Variants in PARD3B observed in about 807,000 individuals in gnomAD.
The protein encoded by PARD3B is par-3 family cell polarity regulator beta, also known as partitioning defective 3 homolog B.
In PARD3B, 103 loss-of-function variants were observed where a neutral mutation model predicts 130.2. The ratio of observed to expected loss-of-function variants is 0.79; its 90% confidence interval spans 0.67 to 0.93. The LOEUF is 0.93. PARD3B is among the 40% of genes least tolerant of loss of function. The probability of loss-of-function intolerance (pLI) is 0.00; values close to 1 mark genes in which losing one functional copy is unlikely to be tolerated. For synonymous variants in PARD3B, 583 were observed against 553.2 expected (o/e 1.05, Z -0.76); for missense variants, 1,609 against 1,499.2 (o/e 1.07, Z -1.21).
At chr2:204,647,099 C>G (rs1484945367) in intron 1 of PARD3B, among the ~76,000 whole-genome samples, 1 of 151,894 alleles carries the variant, frequency 6.6e-6, no homozygotes, top group Non-Finnish European at 1.5e-5. Context: ...TAAGTTAAAC[C>G]ACTGTAAGTT....
intron 21 of PARD3B, among the ~76,000 whole-genome samples, chr2:205,543,438 T>C (rs2052252897): frequency 6.6e-6 from 1 of 152,096 alleles, no homozygotes; most frequent in East Asian, 1.9e-4. Context: ...TTGCAGACAG[T>C]CACAGACTAT....
rs897504089 is a variant in PARD3B at position 205,321,572 on chromosome 2, A to C, written c.2630+19871A>C. On this transcript the variant is annotated intron_variant, in intron 18 of 22. Transcript: ENST00000406610. This position sits in a 1 kb window ranked among gnomAD's most constrained non-coding sequence, Gnocchi z 4.2. Reference sequence around the variant, plus strand: ...TCTTAATAACTTAACAGTGGTTGCAAACTTGATGTCTTTTTATCCTTAAGT... The same window carrying C: ...TCTTAATAACTTAACAGTGGTTGCACACTTGATGTCTTTTTATCCTTAAGT... Among the ~76,000 whole-genome samples the C allele has an allele frequency of 1.6e-4, 24 of 152,150 alleles. 1 individual carries two copies. The highest frequency in any genetic ancestry group is 4.3e-4 in the African/African-American group (18 of 41,484).
At chr2:204,700,857 T>TTGTTAAAC (rs2037858016) in intron 2 of PARD3B, among the ~76,000 whole-genome samples, 1 of 152,084 alleles carries the variant, frequency 6.6e-6, no homozygotes, top group Non-Finnish European at 1.5e-5. Context: ...TGTTTTAAAA[T>TTGTTAAAC]TGTTAAACTG....
At chr2:205,360,206 C>T (rs1574802204) in intron 18 of PARD3B, among the ~76,000 whole-genome samples, 1 of 152,062 alleles carries the variant, frequency 6.6e-6, no homozygotes, top group South Asian at 2.1e-4. Flanking sequence ...GCATCTCATT[C>T]TGTAAATTCT....
rs1172893472 is a variant in PARD3B, at chr2:205,024,162, C to CTTTTTT, written c.395-23402_395-23397dup. Among the ~76,000 whole-genome samples, 232 of 98,706 alleles carry CTTTTTT rather than the reference C, an allele frequency of 2.4e-3. 1 individual carries two copies. The highest frequency in any genetic ancestry group is 3.4e-3 in the Non-Finnish European group (172 of 50,942). 64.8% of individuals were successfully genotyped at this position (98,706 alleles called of 152,430 possible). A position where few individuals can be genotyped will look rare whatever the true frequency, so the allele number is the denominator to read the frequency against. ...TGCCTCACCATCATTTTCTTTCTTT[C>CTTTTTT]TTTTTTTTTTTTTTTTTTTTTTGAG... is the stretch of plus-strand genomic sequence containing the variant. On this transcript the variant is annotated intron_variant, in intron 3 of 22. Transcript: ENST00000406610.
chr2:205,024,545 T>C (rs894967176), intron 3 of PARD3B, among the ~76,000 whole-genome samples: 1 of 152,168 alleles, frequency 6.6e-6, no homozygotes, highest in African/African-American at 2.4e-5. Context: ...TTACTAGTTG[T>C]AGTGATGTAG....
intron 4 of PARD3B, chr2:205,048,197 C>G (rs1698934051): frequency 6.6e-6 from 1 of 152,280 alleles, no homozygotes; most frequent in Non-Finnish European, 1.5e-5. Flanking sequence ...TTTGCAAAAC[C>G]ATACCATGTG....
chr2:205,240,660 C>T (rs2039312515), intron 15 of PARD3B, among the ~76,000 whole-genome samples: 1 of 152,252 alleles, frequency 6.6e-6, no homozygotes, highest in African/African-American at 2.4e-5. Flanking sequence ...ATACAATCTT[C>T]TGTCAGCATA....
At chr2:205,343,306 A>G (rs142230327) in intron 18 of PARD3B, among the ~76,000 whole-genome samples, 4 of 152,318 alleles carry the variant, frequency 2.6e-5, no homozygotes, top group African/African-American at 4.8e-5. Flanking sequence ...TTGATAGCCA[A>G]TAACATGTGC....
At chr2:204,965,099 C>T (rs967990137) in intron 2 of PARD3B, 53 bp from the exon 3 acceptor site, 71 of 1,552,058 alleles carry the variant, frequency 4.6e-5, no homozygotes, top group African/African-American at 3.6e-4. Context: ...AGATAGTGTC[C>T]GTGTGGTATG....
chr2:205,397,863 A>G lies in PARD3B; in HGVS notation c.2631-3150A>G, dbSNP rs537109331. On this transcript the variant is annotated intron_variant, in intron 18 of 22. Transcript: ENST00000406610. This position sits in a 1 kb window ranked among gnomAD's most constrained non-coding sequence, Gnocchi z 4.8. Reference sequence around the variant, plus strand: ...CTTCTCACGTAAACATACTTAGAGTAATAATGTTGACCCCTAAGACTCTTC... The same window carrying G: ...CTTCTCACGTAAACATACTTAGAGTGATAATGTTGACCCCTAAGACTCTTC... Among the ~76,000 whole-genome samples the G allele has an allele frequency of 1.2e-4, 19 of 152,316 alleles. No individual in the cohort carries two copies. The highest frequency in any genetic ancestry group is 4.6e-4 in the African/African-American group (19 of 41,578).
rs2030694524 is a variant in PARD3B, at chr2:205,121,375, T to C, written c.807-216T>C. ...GCTTTCTAAATTAGAGAAGGATGCA[T>C]GCTAATAATGCATGTATAAGCTAGT... On this transcript the variant is annotated intron_variant, in intron 7 of 22. Coordinates refer to ENST00000406610, the MANE Select transcript of PARD3B (RefSeq NM_001302769.2). This position sits in a 1 kb window ranked among gnomAD's most constrained non-coding sequence, Gnocchi z 5.0. 6.6e-6 allele frequency among the ~76,000 whole-genome samples: 1 copy of C among 152,214 alleles called. No individual in the cohort carries two copies. The highest frequency in any genetic ancestry group is 1.5e-5 in the Non-Finnish European group (1 of 68,040).
intron 1 of PARD3B, among the ~76,000 whole-genome samples, chr2:204,666,334 G>A (rs1185463488): frequency 6.6e-6 from 1 of 152,202 alleles, no homozygotes; most frequent in Non-Finnish European, 1.5e-5. Flanking sequence ...ATGAAGGTTG[G>A]ACCTAGAGAG....
chr2:205,505,171 G>A (rs947973373), intron 21 of PARD3B, among the ~76,000 whole-genome samples: 8 of 151,204 alleles, frequency 5.3e-5, no homozygotes, highest in South Asian at 2.1e-4. Context: ...GTTCTCACCC[G>A]TAGGTGGGAA....
chr2:205,547,721 T>C (rs548425932), intron 21 of PARD3B, among the ~76,000 whole-genome samples: 166 of 152,300 alleles, frequency 1.1e-3, no homozygotes, highest in African/African-American at 3.7e-3. Context: ...ACTAGCAATG[T>C]TACAGCTGCT....
chr2:204,707,647 A>G (rs1237806349), intron 2 of PARD3B, among the ~76,000 whole-genome samples: 1 of 151,934 alleles, frequency 6.6e-6, no homozygotes, highest in Non-Finnish European at 1.5e-5. Flanking sequence ...TTTGTACTGT[A>G]TTTTCCACAC....
intron 22 of PARD3B, among the ~76,000 whole-genome samples, chr2:205,597,394 A>G (rs1195053762): frequency 2.0e-5 from 3 of 152,194 alleles, no homozygotes; most frequent in East Asian, 1.9e-4. Context: ...TCCATGGTGT[A>G]TATGTACCAC....
intron 15 of PARD3B, among the ~76,000 whole-genome samples, chr2:205,211,450 G>A (rs2037628883): frequency 1.3e-5 from 2 of 152,082 alleles, no homozygotes; most frequent in Non-Finnish European, 2.9e-5. Flanking sequence ...ACAACAGACA[G>A]TATCTTATTT....
intron 18 of PARD3B, among the ~76,000 whole-genome samples, chr2:205,398,729 A>T (rs2046127928): frequency 6.6e-6 from 1 of 152,234 alleles, no homozygotes; most frequent in African/African-American, 2.4e-5. Flanking sequence ...CTTGACTAAC[A>T]TCCTCTACTA....
Sources: allele counts gnomAD v4.1 joint callset (sites outside exome capture counted in the v4.1 genomes callset), GRCh38; gene constraint gnomAD v4.1.1; non-coding constraint Gnocchi (gnomAD v3.1); transcripts MANE v1.5; gene names NCBI Gene and HGNC (gene_info 2026-07-23, HGNC 2026-07-21).